PLPPR5: variants seen among roughly 807,000 people sequenced by gnomAD.
PLPPR5 encodes the protein phospholipid phosphatase related 5.
A neutral mutation model predicts 33.9 loss-of-function variants in PLPPR5; 16 were observed. That is an observed-to-expected ratio of 0.47 (90% CI 0.32 to 0.72). The LOEUF (loss-of-function observed/expected upper bound fraction) is 0.72. PLPPR5 is among the 30% of genes least tolerant of loss of function. PLPPR5 has a pLI of 0.03. For missense variants in PLPPR5, 301 were observed against 406.7 expected (o/e 0.74, Z 2.23); for synonymous variants, 163 against 150.3 (o/e 1.08, Z -0.62).
chr1:98,994,784 G>T (rs1239195374), intron 1 of PLPPR5, among the ~76,000 whole-genome samples: 1 of 152,080 alleles, frequency 6.6e-6, no homozygotes, highest in Non-Finnish European at 1.5e-5. Context: ...ATGTAAAAAA[G>T]AATTTTTCAT....
Position 99,004,838 on chromosome 1 carries a change from C to A in PLPPR5, c.-167G>T. On this transcript the variant is annotated 5_prime_UTR_variant, in exon 1 of 6. Coordinates refer to ENST00000263177, the MANE Select transcript of PLPPR5 (RefSeq NM_001037317.2). Reference sequence around the variant, plus strand: ...CTGGAGGAAGAGGCGGAGGCAGGTCCGGGCTTCGAGGCGCCGGCAGGCTGC... The same window carrying A: ...CTGGAGGAAGAGGCGGAGGCAGGTCAGGGCTTCGAGGCGCCGGCAGGCTGC... 3.3e-6 allele frequency: 1 copy of A among 302,214 alleles called. No individual in the cohort carries two copies. 18.7% of individuals were successfully genotyped at this position (302,214 alleles called of 1,614,324 possible). A position where few individuals can be genotyped will look rare whatever the true frequency, so the allele number is the denominator to read the frequency against.
chr1:98,927,961 T>C (rs1649827865), intron 3 of PLPPR5, among the ~76,000 whole-genome samples: 1 of 151,998 alleles, frequency 6.6e-6, no homozygotes, highest in African/African-American at 2.4e-5. Flanking sequence ...TAATAAAATA[T>C]TCAGATATTC....
chr1:98,912,998 T>C (rs1283149298), intron 5 of PLPPR5, among the ~76,000 whole-genome samples: 2 of 152,070 alleles, frequency 1.3e-5, no homozygotes, highest in South Asian at 2.1e-4. Flanking sequence ...TAAAAGGAAA[T>C]TTTATCTCTC....
chr1:98,948,982 G>C (rs945290359), intron 3 of PLPPR5, among the ~76,000 whole-genome samples: 3 of 152,160 alleles, frequency 2.0e-5, no homozygotes, highest in African/African-American at 7.2e-5. Context: ...GTCAGAATTG[G>C]AAGTGACCCG....
chr1:98,942,121 G>A (rs1650396228), intron 3 of PLPPR5, among the ~76,000 whole-genome samples: 1 of 147,938 alleles, frequency 6.8e-6, no homozygotes, highest in Admixed American at 6.8e-5. Context: ...GCCCAGGCTG[G>A]AGTGCAGTGG....
intron 1 of PLPPR5, among the ~76,000 whole-genome samples, chr1:98,987,617 TCAA>T (rs1237055794): frequency 1.3e-5 from 2 of 151,796 alleles, no homozygotes; most frequent in Non-Finnish European, 3.0e-5. Flanking sequence ...TGTGATGCAT[TCAA>T]ATAAATTCAT....
intron 3 of PLPPR5, among the ~76,000 whole-genome samples, chr1:98,930,586 T>C (rs1649927339): frequency 6.6e-6 from 1 of 152,220 alleles, no homozygotes. Context: ...TATAGGTTTG[T>C]GATCAGCAAC....
chr1:98,965,503 C>T (rs1157568688), intron 1 of PLPPR5, among the ~76,000 whole-genome samples: 1 of 152,084 alleles, frequency 6.6e-6, no homozygotes, highest in African/African-American at 2.4e-5. Flanking sequence ...TAATCAATTA[C>T]CGTCTTTGGT....
chr1:98,990,241 C>T (rs1014906014), intron 1 of PLPPR5, among the ~76,000 whole-genome samples: 7 of 151,982 alleles, frequency 4.6e-5, no homozygotes, highest in African/African-American at 1.2e-4. Flanking sequence ...TGGTGGTGCA[C>T]GCCAGTAATC....
intron 1 of PLPPR5, among the ~76,000 whole-genome samples, chr1:98,960,935 T>C (rs1651223745): frequency 6.6e-6 from 1 of 152,198 alleles, no homozygotes; most frequent in African/African-American, 2.4e-5. Flanking sequence ...CCTAATCTTC[T>C]GAAACATGGG....
chr1:98,975,361 T>C (rs1011649551), intron 1 of PLPPR5, among the ~76,000 whole-genome samples: 2 of 152,036 alleles, frequency 1.3e-5, no homozygotes, highest in Non-Finnish European at 2.9e-5. Context: ...GGAAAACAGA[T>C]TTTGCATTGT....
chr1:98,995,219 C>A (rs1383042304), intron 1 of PLPPR5, among the ~76,000 whole-genome samples: 2 of 152,014 alleles, frequency 1.3e-5, no homozygotes, highest in African/African-American at 4.8e-5. Context: ...TTCATCCCAG[C>A]ACTATTCACA....
In PLPPR5 at chr1:98,893,049, G is replaced by A. The variant is rs1044716536; in HGVS notation, c.*23C>T. The A allele has an allele frequency of 1.2e-6, 2 of 1,609,740 alleles. No homozygotes were observed. Among genetic ancestry groups the A allele is most frequent in the Non-Finnish European group, 1.7e-6 (2 of 1,177,332 alleles). Reference sequence around the variant, plus strand: ...GTAAAAAGGGATGATGTCCAATGCAGTGAAAAACCATCTGCTTCGATATCA... The same window carrying A: ...GTAAAAAGGGATGATGTCCAATGCAATGAAAAACCATCTGCTTCGATATCA... On this transcript the variant is annotated 3_prime_UTR_variant, in exon 6 of 6. Transcript: ENST00000263177.
intron 1 of PLPPR5, among the ~76,000 whole-genome samples, chr1:98,965,252 C>G (rs1651396567): frequency 6.6e-6 from 1 of 152,128 alleles, no homozygotes; most frequent in South Asian, 2.1e-4. Context: ...CTGATAGAAG[C>G]CTTGCACCCC....
At chr1:98,956,839 G>A (rs1651028613) in intron 1 of PLPPR5, 98 bp from the exon 2 acceptor site, 2 of 904,536 alleles carry the variant, frequency 2.2e-6, no homozygotes, top group Non-Finnish European at 1.6e-6. Context: ...CCCTTTGAAT[G>A]GTAATAATCT....
chr1:98,909,958 C>T (rs1044131444), intron 5 of PLPPR5, among the ~76,000 whole-genome samples: 2 of 152,220 alleles, frequency 1.3e-5, no homozygotes, highest in East Asian at 3.9e-4. Context: ...GACTTTTCCT[C>T]ATAAACTATG....
At chr1:98,957,260 G>A (rs538983942) in intron 1 of PLPPR5, among the ~76,000 whole-genome samples, 6 of 151,480 alleles carry the variant, frequency 4.0e-5, no homozygotes, top group East Asian at 3.9e-4. Flanking sequence ...TGGGAGCAGC[G>A]CACCAGCATG....
At chr1:98,905,432 A>G (rs1389917666) in intron 5 of PLPPR5, among the ~76,000 whole-genome samples, 1 of 152,164 alleles carries the variant, frequency 6.6e-6, no homozygotes, top group African/African-American at 2.4e-5. Context: ...CCTTTTATAA[A>G]TCATTTTAAA....
intron 4 of PLPPR5, among the ~76,000 whole-genome samples, chr1:98,921,424 T>C (rs1649547818): frequency 6.6e-6 from 1 of 152,124 alleles, no homozygotes; most frequent in African/African-American, 2.4e-5. Flanking sequence ...CTAGGGGACT[T>C]TGGGATTCTC....
Sources: gnomAD v4.1 joint callset for allele counts (sites outside exome capture counted in the v4.1 genomes callset) on GRCh38, gnomAD v4.1.1 for gene constraint, MANE v1.5 for transcripts, NCBI Gene and HGNC (gene_info 2026-07-23, HGNC 2026-07-21) for gene names.